The following WAC variants were observed in gnomAD, a reference collection of about 807,000 sequenced individuals.
The protein encoded by WAC is WW domain-containing adapter protein with coiled-coil.
Under a neutral mutation model 79.6 loss-of-function variants are expected in WAC, and 11 were observed. The observed-to-expected ratio is 0.14, with a 90% CI of 0.09 to 0.23. The LOEUF (loss-of-function observed/expected upper bound fraction) is 0.23. Among genes scored for constraint, WAC ranks in the 10% least tolerant of loss-of-function variants. The pLI, the probability that WAC is intolerant of heterozygous loss-of-function variation, is 1.00. For missense variants in WAC, 728 were observed against 773.5 expected (o/e 0.94, Z 0.70); for synonymous variants, 304 against 276.9 (o/e 1.10, Z -0.97).
intron 13 of WAC, 112 bp from the exon 14 acceptor site, chr10:28,619,425 C>A: frequency 3.9e-6 from 3 of 764,114 alleles, no homozygotes; most frequent in Non-Finnish European, 6.1e-6. Flanking sequence ...AATTTCTTTG[C>A]CTTAATTAGA....
intron 3 of WAC, among the ~76,000 whole-genome samples, chr10:28,542,079 A>G (rs1837083300): frequency 6.6e-6 from 1 of 151,568 alleles, no homozygotes; most frequent in Non-Finnish European, 1.5e-5. Context: ...TGTTTGTGCT[A>G]CTCTCTCCAT....
chr10:28,554,945 A>G (rs1837900491), intron 3 of WAC, among the ~76,000 whole-genome samples: 1 of 151,860 alleles, frequency 6.6e-6, no homozygotes, highest in South Asian at 2.1e-4. Context: ...TGTCCTCTCA[A>G]CCCCCAAGTC....
intron 3 of WAC, among the ~76,000 whole-genome samples, chr10:28,559,825 A>G (rs769223148): frequency 2.6e-5 from 4 of 152,192 alleles, no homozygotes; most frequent in South Asian, 2.1e-4. Context: ...TTCGTGTCAC[A>G]TTTCATTGCC....
intron 6 of WAC, chr10:28,591,944 T>TCA (rs1339399482): frequency 1.3e-5 from 2 of 152,164 alleles, no homozygotes; most frequent in Non-Finnish European, 2.9e-5. Flanking sequence ...TTCTTAGACT[T>TCA]CAATGTTTCA....
At chr10:28,536,541 T>A (rs1373153750) in intron 3 of WAC, among the ~76,000 whole-genome samples, 1 of 152,252 alleles carries the variant, frequency 6.6e-6, no homozygotes, top group Non-Finnish European at 1.5e-5. Flanking sequence ...AGAAAATACA[T>A]TCTTGCTTTT....
chr10:28,576,339 A>G (rs1303024096), intron 3 of WAC, among the ~76,000 whole-genome samples: 5 of 152,170 alleles, frequency 3.3e-5, no homozygotes, highest in Admixed American at 3.3e-4. Flanking sequence ...TAAACAATGA[A>G]ATTTGTTGAG....
At position 28,534,042 on chromosome 10, in the gene WAC, C is replaced by T. The variant is rs1222401716; in HGVS notation, c.78+8C>T. On this transcript the variant is annotated splice_region_variant and intron_variant, in intron 2 of 13. Transcript: ENST00000354911. ...GACTCGCAGCCTTACCAGGTACCAG[C>T]CGAGGCCGGGGTGGAGGGATTGGAA... 2 of 1,578,384 alleles carry T rather than the reference C, an allele frequency of 1.3e-6. No individual in the cohort carries two copies. The highest frequency in any genetic ancestry group is 1.8e-5 in the Admixed American group (1 of 55,238).
At chr10:28,562,387 T>C (rs1838351539) in intron 3 of WAC, among the ~76,000 whole-genome samples, 1 of 152,112 alleles carries the variant, frequency 6.6e-6, no homozygotes, top group Admixed American at 6.6e-5. Flanking sequence ...TGTGTTTTTT[T>C]CCAGTTTCTT....
intron 7 of WAC, among the ~76,000 whole-genome samples, chr10:28,601,681 G>A (rs764476478): frequency 2.6e-5 from 4 of 152,116 alleles, no homozygotes; most frequent in African/African-American, 7.2e-5. Context: ...GAAAGGATAC[G>A]ACGTGATACA....
chr10:28,595,770 C>T lies in WAC; in HGVS notation c.648C>T (p.Leu216=), dbSNP rs1232249656. 1 of 1,613,962 alleles carries T rather than the reference C, an allele frequency of 6.2e-7. No individual in the cohort carries two copies. The highest frequency in any genetic ancestry group is 1.1e-5 in the South Asian group (1 of 91,078). Residue 216 remains leucine, a synonymous_variant, in exon 7 of 14, where the codon CTC becomes CTT. Transcript: ENST00000354911. Reference sequence around the variant, plus strand: ...ATTCCAGTGATGCCAGTAGTTTGCTCCCACAGAATATTTTGTCTCAAACAA... The same window carrying T: ...ATTCCAGTGATGCCAGTAGTTTGCTTCCACAGAATATTTTGTCTCAAACAA... ...DKHSSDASSL[L]PQNILSQTSR...
intron 3 of WAC, among the ~76,000 whole-genome samples, chr10:28,569,458 C>T (rs188240714): frequency 2.0e-5 from 3 of 152,280 alleles, no homozygotes; most frequent in East Asian, 1.9e-4. Context: ...TTTTGCCAGT[C>T]TGATTATTCA....
chr10:28,550,234 A>G (rs1038526749), intron 3 of WAC, among the ~76,000 whole-genome samples: 1 of 149,410 alleles, frequency 6.7e-6, no homozygotes, highest in African/African-American at 2.5e-5. Flanking sequence ...TTTCTCAGCC[A>G]CTCTCTGCCT....
rs35804351 is a variant in WAC at position 28,622,425 on chromosome 10, G to GCCCC, written c.*2835_*2838dup. 10 of 3,770 alleles carry GCCCC rather than the reference G, an allele frequency of 2.7e-3. No homozygotes were observed. The highest frequency in any genetic ancestry group is 0.01 in the Non-Finnish European group (5 of 498). The allele number at this position is 3,770 out of a possible 1,614,324, so 0.2% of individuals were successfully genotyped here. A position where few individuals can be genotyped will look rare whatever the true frequency, so the allele number is the denominator to read the frequency against. On this transcript the variant is annotated 3_prime_UTR_variant, in exon 14 of 14. Coordinates refer to ENST00000354911, the MANE Select transcript of WAC (RefSeq NM_016628.5). ...ACTTGAGTGGCCTTTCCCTCCCCCT[G>GCCCC]CCCCCCCCCCCCCCCCCCCGTTTTA... is the stretch of plus-strand genomic sequence containing the variant.
intron 11 of WAC, 77 bp from the exon 12 acceptor site, chr10:28,616,096 A>C: frequency 8.3e-7 from 1 of 1,207,084 alleles, no homozygotes; most frequent in African/African-American, 1.5e-5. Context: ...AATAAAAGGT[A>C]TTAACATGCA....
intron 3 of WAC, among the ~76,000 whole-genome samples, chr10:28,569,012 G>A (rs957689732): frequency 2.0e-5 from 3 of 152,156 alleles, no homozygotes; most frequent in African/African-American, 7.2e-5. Flanking sequence ...ATGTGGAGTT[G>A]CTGTTAAAAA....
At chr10:28,595,451 A>T (rs1840311750) in intron 6 of WAC, among the ~76,000 whole-genome samples, 1 of 152,010 alleles carries the variant, frequency 6.6e-6, no homozygotes, top group Admixed American at 6.6e-5. Flanking sequence ...TTTGAACTAC[A>T]GTGTGATTCT....
intron 13 of WAC, 94 bp from the exon 14 acceptor site, chr10:28,619,441 CTT>C (rs1841614203): frequency 5.5e-6 from 5 of 904,456 alleles, no homozygotes; most frequent in Admixed American, 3.6e-5. Flanking sequence ...TTAGAAATCA[CTT>C]GTTTTAATTT....
rs534760668 is a variant in WAC, at chr10:28,561,612, G to A, written c.275-21787G>A. Among the ~76,000 whole-genome samples the A allele has an allele frequency of 9.2e-4, 140 of 152,282 alleles. 1 individual carries two copies. Among genetic ancestry groups the A allele is most frequent in the Middle Eastern group, 3.4e-3 (1 of 292 alleles). On this transcript the variant is annotated intron_variant, in intron 3 of 13. Coordinates refer to ENST00000354911, the MANE Select transcript of WAC (RefSeq NM_016628.5). ...ACTTTTAAGTTTTTTCGCTAGGTGG[G>A]ATAATGGGTGAAATAATACAGGTTT... is the stretch of plus-strand genomic sequence containing the variant.
chr10:28,608,490 A>G, intron 8 of WAC, 59 bp downstream of exon 8: 1 of 1,451,968 alleles, frequency 6.9e-7, no homozygotes, highest in Non-Finnish European at 9.2e-7. Context: ...TTATGTAAGT[A>G]GTAAAATCCC....
Sources: gnomAD v4.1 joint callset for allele counts (sites outside exome capture counted in the v4.1 genomes callset) on GRCh38, gnomAD v4.1.1 for gene constraint, MANE v1.5 for transcripts, NCBI Gene and HGNC (gene_info 2026-07-23, HGNC 2026-07-21) for gene names.